NRG3: variants seen among roughly 807,000 people sequenced by gnomAD.
NRG3 encodes pro-neuregulin-3, membrane-bound isoform.
In NRG3, 31 loss-of-function variants were observed where a neutral mutation model predicts 66.9. The observed-to-expected ratio is 0.46, with a 90% CI of 0.35 to 0.63. The LOEUF (loss-of-function observed/expected upper bound fraction) is 0.63, where lower values mean the gene tolerates loss of function less well. Ranked by LOEUF, NRG3 falls within the 20% of genes least tolerant of loss-of-function variation. The pLI is 0.00. For synonymous variants in NRG3, 393 were observed against 359.4 expected, an observed-to-expected ratio of 1.09 and a Z score of -1.06; for missense variants, 910 against 878.9, an observed-to-expected ratio of 1.04 and a Z score of -0.45.
chr10:82,243,362 G>A (rs993537230), intron 1 of NRG3, among the ~76,000 whole-genome samples: 1 of 151,914 alleles, frequency 6.6e-6, no homozygotes, highest in Non-Finnish European at 1.5e-5. Flanking sequence ...AACAGAAAAT[G>A]GAGAAGACAT....
chr10:82,406,808 T>C (rs1468328198), intron 2 of NRG3, among the ~76,000 whole-genome samples: 2 of 152,118 alleles, frequency 1.3e-5, no homozygotes, highest in Non-Finnish European at 2.9e-5. Flanking sequence ...TTTTGTACAT[T>C]GAGACAGGTA....
intron 1 of NRG3, among the ~76,000 whole-genome samples, chr10:82,282,695 T>C (rs1312917408): frequency 6.6e-6 from 1 of 151,768 alleles, no homozygotes; most frequent in Non-Finnish European, 1.5e-5. Flanking sequence ...GACAAAGGTA[T>C]GTATGCATCC....
chr10:82,727,459 C>A (rs2057664924), intron 2 of NRG3, among the ~76,000 whole-genome samples: 1 of 152,228 alleles, frequency 6.6e-6, no homozygotes, highest in Non-Finnish European at 1.5e-5. Flanking sequence ...GCCATGGCTT[C>A]AGAGGGTGCA....
At chr10:82,862,319 T>A (rs570067339) in intron 3 of NRG3, among the ~76,000 whole-genome samples, 2 of 152,338 alleles carry the variant, frequency 1.3e-5, no homozygotes, top group Admixed American at 6.5e-5. Context: ...AATTTCTGCC[T>A]GCTGGGCACT....
chr10:82,251,217 G>A (rs576789627), intron 1 of NRG3, among the ~76,000 whole-genome samples: 1 of 152,082 alleles, frequency 6.6e-6, no homozygotes. Flanking sequence ...AACCCACTGG[G>A]CCTATAGGAA....
chr10:82,102,003 G>GTATATATATATATA (rs142461785), intron 1 of NRG3, among the ~76,000 whole-genome samples: 2,891 of 129,158 alleles, frequency 0.022, 83 homozygotes, highest in Non-Finnish European at 0.029. Flanking sequence ...ATATGTGTGC[G>GTATATATATATATA]TATATATATA....
At chr10:82,808,455 CATT>C (rs2061370314) in intron 3 of NRG3, among the ~76,000 whole-genome samples, 2 of 152,020 alleles carry the variant, frequency 1.3e-5, no homozygotes, top group Non-Finnish European at 2.9e-5. Context: ...TGATCAGTGA[CATT>C]ATGTAATTAA....
intron 1 of NRG3, among the ~76,000 whole-genome samples, chr10:82,252,972 A>G (rs1309906413): frequency 6.6e-6 from 1 of 152,158 alleles, no homozygotes; most frequent in African/African-American, 2.4e-5. Flanking sequence ...AGTCATTAGC[A>G]TAACAGACCT....
intron 1 of NRG3, among the ~76,000 whole-genome samples, chr10:82,312,302 A>G (rs1304029870): frequency 2.6e-5 from 4 of 152,220 alleles, no homozygotes; most frequent in Admixed American, 1.3e-4. Context: ...GCATACTGTC[A>G]TATCTGAGTC....
intron 2 of NRG3, among the ~76,000 whole-genome samples, chr10:82,509,923 A>T (rs1471216849): frequency 6.6e-6 from 1 of 152,002 alleles, no homozygotes; most frequent in Non-Finnish European, 1.5e-5. Flanking sequence ...ACAGAAGAAA[A>T]TGGGCCCCAT....
chr10:82,336,220 C>T (rs1014593154), intron 1 of NRG3, among the ~76,000 whole-genome samples: 1 of 151,990 alleles, frequency 6.6e-6, no homozygotes, highest in Non-Finnish European at 1.5e-5. Context: ...AAAAGTCACA[C>T]CAGTAGAAGA....
intron 2 of NRG3, among the ~76,000 whole-genome samples, chr10:82,373,534 T>C (rs1378226627): frequency 6.6e-6 from 1 of 152,186 alleles, no homozygotes; most frequent in Admixed American, 6.5e-5. Context: ...AACTTTCAGC[T>C]TTGAGGCTCA....
chr10:82,914,888 T>C (rs1845687899), intron 4 of NRG3, among the ~76,000 whole-genome samples: 1 of 152,154 alleles, frequency 6.6e-6, no homozygotes, highest in Non-Finnish European at 1.5e-5. Flanking sequence ...TCTGGTACAA[T>C]AGTTTTCTCT....
intron 3 of NRG3, among the ~76,000 whole-genome samples, chr10:82,783,341 T>A (rs956686443): frequency 1.1e-4 from 17 of 151,068 alleles, no homozygotes; most frequent in Admixed American, 1.1e-3. Context: ...AACATAGTGT[T>A]GGAAGTTCTG....
intron 4 of NRG3, among the ~76,000 whole-genome samples, chr10:82,896,395 A>G (rs559056863): frequency 3.3e-5 from 5 of 152,340 alleles, no homozygotes; most frequent in African/African-American, 4.8e-5. Context: ...GGAGATGGCT[A>G]GAAAAGGAGG....
chr10:82,839,074 C>T (rs1306653645), intron 3 of NRG3, among the ~76,000 whole-genome samples: 5 of 152,094 alleles, frequency 3.3e-5, no homozygotes, highest in African/African-American at 9.7e-5. Context: ...TCCCACAACA[C>T]GTGAGATTTA....
At chr10:82,551,386 G>A (rs1409120170) in intron 2 of NRG3, among the ~76,000 whole-genome samples, 2 of 151,892 alleles carry the variant, frequency 1.3e-5, no homozygotes, top group East Asian at 1.9e-4. Flanking sequence ...TCTTTCTCCA[G>A]TTCTCTCATA....
intron 2 of NRG3, among the ~76,000 whole-genome samples, chr10:82,659,984 T>C (rs2052201495): frequency 6.6e-6 from 1 of 150,842 alleles, no homozygotes; most frequent in Admixed American, 6.6e-5. Flanking sequence ...TCGCCTGAGG[T>C]CAGGAGTTCA....
chr10:82,795,040 C>G (rs1019327248), intron 3 of NRG3, among the ~76,000 whole-genome samples: 5 of 152,148 alleles, frequency 3.3e-5, no homozygotes, highest in Non-Finnish European at 5.9e-5. Flanking sequence ...ATATATAAAA[C>G]TCACGTATAA....
Sources: allele counts gnomAD v4.1 joint callset (sites outside exome capture counted in the v4.1 genomes callset), GRCh38; gene constraint gnomAD v4.1.1; transcripts MANE v1.5; gene names NCBI Gene and HGNC (gene_info 2026-07-23, HGNC 2026-07-21).